The following MACROD2 variants were observed in gnomAD, a reference collection of about 807,000 sequenced individuals.
MACROD2 encodes the protein ADP-ribose glycohydrolase MACROD2.
MACROD2 carries 36 observed loss-of-function variants against 70.4 expected under a neutral mutation model. The observed-to-expected ratio is 0.51, with a 90% CI of 0.39 to 0.68. The LOEUF (loss-of-function observed/expected upper bound fraction) is 0.68, where lower values mean the gene tolerates loss of function less well. MACROD2 is among the 30% of genes least tolerant of loss of function. MACROD2 has a pLI of 0.00. For missense variants in MACROD2, 496 were observed against 538.4 expected, an observed-to-expected ratio of 0.92 and a Z score of 0.78; for synonymous variants, 172 against 178.8, an observed-to-expected ratio of 0.96 and a Z score of 0.30.
In MACROD2 at chr20:15,772,099, AAAATATATAT is replaced by A. The variant is rs1210843466; in HGVS notation, c.646-90644_646-90635del. Among the ~76,000 whole-genome samples the A allele has an allele frequency of 5.9e-3, 538 of 91,252 alleles. 4 individuals carry two copies. The highest frequency in any genetic ancestry group is 0.029 in the African/African-American group (520 of 17,724). The allele number at this position is 91,252 out of a possible 152,430, so 59.9% of individuals were successfully genotyped here. On this transcript the variant is annotated intron_variant, in intron 8 of 17. Transcript: ENST00000684519. Reference sequence around the variant, plus strand: ...GACTCGGTCTCAAAAAAAAAAAAAAAAAATATATATATATATATATATATATATATTTCTT... The same window carrying A: ...GACTCGGTCTCAAAAAAAAAAAAAAAATATATATATATATATATATTTCTT...
chr20:15,014,636 C>A (rs1044143879), intron 5 of MACROD2, among the ~76,000 whole-genome samples: 1 of 152,050 alleles, frequency 6.6e-6, no homozygotes, highest in African/African-American at 2.4e-5. Flanking sequence ...TGTACTGAAT[C>A]GCTAAAATAA....
chr20:14,264,723 A>C (rs527911951), intron 3 of MACROD2, among the ~76,000 whole-genome samples: 2 of 152,166 alleles, frequency 1.3e-5, no homozygotes, highest in African/African-American at 2.4e-5. Flanking sequence ...TTTCCTTATG[A>C]GAAGGCCAGG....
chr20:14,734,111 A>T (rs2071629384), intron 5 of MACROD2, among the ~76,000 whole-genome samples: 2 of 152,122 alleles, frequency 1.3e-5, no homozygotes, highest in South Asian at 4.2e-4. Flanking sequence ...TCTTCTTAAA[A>T]ACCGTCAAAG....
rs76174974 is a variant in MACROD2, at chr20:15,888,678, C to T, written c.775+2867C>T. On this transcript the variant is annotated intron_variant, in intron 10 of 17. Transcript: ENST00000684519. Reference sequence around the variant, plus strand: ...CCACCAGGTTTCCTGGGAGTTTTGTCACCAGCAGCTGCATGCAGCTGTTCA... The same window carrying T: ...CCACCAGGTTTCCTGGGAGTTTTGTTACCAGCAGCTGCATGCAGCTGTTCA... 2.5e-3 allele frequency among the ~76,000 whole-genome samples: 375 copies of T among 152,248 alleles called. 1 individual carries two copies. The highest frequency in any genetic ancestry group is 7.9e-3 in the African/African-American group (328 of 41,566).
intron 5 of MACROD2, among the ~76,000 whole-genome samples, chr20:15,037,920 C>T (rs1050987532): frequency 1.4e-4 from 21 of 148,302 alleles, no homozygotes; most frequent in Non-Finnish European, 2.2e-4. Flanking sequence ...TCAAAATAGC[C>T]AGAAGAGAGA....
intron 5 of MACROD2, among the ~76,000 whole-genome samples, chr20:14,897,007 C>A (rs558139770): frequency 1.3e-5 from 2 of 152,052 alleles, no homozygotes; most frequent in East Asian, 3.9e-4. Flanking sequence ...GATTTTATGG[C>A]CCAAAATGGA....
rs902113769 is a variant in MACROD2, at chr20:15,443,913, G to A, written c.571+12478G>A. On this transcript the variant is annotated intron_variant, in intron 7 of 17. Coordinates refer to ENST00000684519, the MANE Select transcript of MACROD2 (RefSeq NM_001351661.2). ...AATGATTTCATTCAGATTTTAAGAC[G>A]ATAACAGGAGAGTCAGTTAATAAAA... 7.9e-5 allele frequency among the ~76,000 whole-genome samples: 12 copies of A among 152,166 alleles called. No individual in the cohort carries two copies. The East Asian group carries it at 1.9e-3, about 25-fold the overall frequency.
intron 3 of MACROD2, among the ~76,000 whole-genome samples, chr20:14,215,351 C>T (rs1015474828): frequency 3.5e-4 from 52 of 146,832 alleles, no homozygotes; most frequent in African/African-American, 1.2e-3. Context: ...CACACACACA[C>T]ACACACACAC....
intron 5 of MACROD2, among the ~76,000 whole-genome samples, chr20:14,871,653 T>C (rs1169471157): frequency 6.6e-6 from 1 of 151,882 alleles, no homozygotes; most frequent in East Asian, 1.9e-4. Flanking sequence ...AATGACAGGA[T>C]CAAATATATA....
chr20:15,983,034 C>T (rs1342113948), intron 13 of MACROD2, among the ~76,000 whole-genome samples: 4 of 152,202 alleles, frequency 2.6e-5, no homozygotes, highest in African/African-American at 9.6e-5. Context: ...AGAGTTTTGT[C>T]AGGTCAGGTA....
intron 6 of MACROD2, among the ~76,000 whole-genome samples, chr20:15,254,053 C>G (rs935927030): frequency 1.3e-5 from 2 of 152,296 alleles, no homozygotes; most frequent in African/African-American, 4.8e-5. Context: ...TCTTTTCAAT[C>G]ATACTCCGAT....
At chr20:15,259,175 A>G (rs920538123) in intron 6 of MACROD2, among the ~76,000 whole-genome samples, 1 of 142,296 alleles carries the variant, frequency 7.0e-6, no homozygotes, top group Admixed American at 7.0e-5. Flanking sequence ...AGTTTTGGGT[A>G]ATTTTTTAAC....
At chr20:14,942,969 C>A (rs1285456986) in intron 5 of MACROD2, among the ~76,000 whole-genome samples, 2 of 152,300 alleles carry the variant, frequency 1.3e-5, no homozygotes, top group Non-Finnish European at 2.9e-5. Flanking sequence ...TTAATTCCAA[C>A]CTCAACTATT....
chr20:14,953,843 CT>C (rs1234211380), intron 5 of MACROD2, among the ~76,000 whole-genome samples: 4 of 152,122 alleles, frequency 2.6e-5, no homozygotes, highest in Admixed American at 6.5e-5. Context: ...ACTGAACTCT[CT>C]TGTCAGCCAA....
intron 10 of MACROD2, among the ~76,000 whole-genome samples, chr20:15,894,669 A>G (rs1447984053): frequency 6.6e-6 from 1 of 152,236 alleles, no homozygotes; most frequent in Non-Finnish European, 1.5e-5. Context: ...GAAGAGTAGA[A>G]ATAGCATGTG....
intron 8 of MACROD2, among the ~76,000 whole-genome samples, chr20:15,801,508 C>T (rs181250061): frequency 6.6e-6 from 1 of 151,678 alleles, no homozygotes; most frequent in Non-Finnish European, 1.5e-5. Context: ...AATCAGTTGG[C>T]TGAAATACAT....
chr20:14,561,592 A>G (rs1002780753), intron 4 of MACROD2, among the ~76,000 whole-genome samples: 1 of 151,642 alleles, frequency 6.6e-6, no homozygotes, highest in Non-Finnish European at 1.5e-5. Flanking sequence ...TAAACTTTTT[A>G]TTTCCTTTTC....
intron 3 of MACROD2, among the ~76,000 whole-genome samples, chr20:14,404,239 G>T (rs1035001780): frequency 6.6e-6 from 1 of 152,088 alleles, no homozygotes; most frequent in Admixed American, 6.6e-5. Context: ...GATAATAAGA[G>T]AATAGGGTAG....
intron 6 of MACROD2, among the ~76,000 whole-genome samples, chr20:15,349,689 GA>G (rs2078205891): frequency 6.7e-6 from 1 of 149,280 alleles, no homozygotes; most frequent in South Asian, 2.1e-4. Context: ...CTGGGAGGCG[GA>G]GGTTGCAGTG....
Sources: allele counts gnomAD v4.1 joint callset (sites outside exome capture counted in the v4.1 genomes callset), GRCh38; gene constraint gnomAD v4.1.1; transcripts MANE v1.5; gene names NCBI Gene and HGNC (gene_info 2026-07-23, HGNC 2026-07-21).